NPAS1: variants seen among roughly 807,000 people sequenced by gnomAD.
NPAS1 encodes the protein neuronal PAS domain-containing protein 1.
NPAS1 carries 29 observed loss-of-function variants against 49.2 expected under a neutral mutation model. The observed-to-expected ratio is 0.59, with a 90% CI of 0.44 to 0.80. The LOEUF (loss-of-function observed/expected upper bound fraction) is 0.80, where lower values mean the gene tolerates loss of function less well. Among genes scored for constraint, NPAS1 ranks in the 30% least tolerant of loss-of-function variants. NPAS1 has a pLI of 0.00. For synonymous variants in NPAS1, 408 were observed against 380.4 expected (o/e 1.07, Z -0.84); for missense variants, 825 against 835.5 (o/e 0.99, Z 0.15).
intron 3 of NPAS1, among the ~76,000 whole-genome samples, chr19:47,028,299 GC>G (rs1174973643): frequency 6.6e-6 from 1 of 151,970 alleles, no homozygotes; most frequent in Non-Finnish European, 1.5e-5. Context: ...CAACCCCCCA[GC>G]CCCCCAGTAA....
At chr19:47,042,738 T>C in intron 10 of NPAS1, 72 bp from the exon 11 acceptor site, 1 of 1,293,078 alleles carries the variant, frequency 7.7e-7, no homozygotes, top group Non-Finnish European at 1.1e-6. Context: ...TTGCCACAAG[T>C]TGGGTAAAGC....
chr19:47,021,031 G>A lies in NPAS1; in HGVS notation c.-17G>A, dbSNP rs1280384492. 1.3e-6 allele frequency: 2 copies of A among 1,593,420 alleles called. No individual in the cohort carries two copies. The highest frequency in any genetic ancestry group is 8.5e-7 in the Non-Finnish European group (1 of 1,172,440). On this transcript the variant is annotated 5_prime_UTR_variant, in exon 2 of 12. The change abolishes the stop of an existing upstream ORF in the 5' untranslated region. Coordinates refer to ENST00000602212, the MANE Select transcript of NPAS1 (RefSeq NM_002517.4). The surrounding 1 kb of genome is among the most constrained non-coding windows in gnomAD (Gnocchi z 5.7). ...GAGACTCGGGGCTCGGAGCCCGCCTGAGCGAGCCCCCCGGAGATGGCGGCC... is the reference window on the plus strand; with the variant it reads ...GAGACTCGGGGCTCGGAGCCCGCCTAAGCGAGCCCCCCGGAGATGGCGGCC...
At chr19:47,039,734 G>C (rs566413584) in intron 8 of NPAS1, among the ~76,000 whole-genome samples, 170 bp downstream of exon 8, 4 of 152,252 alleles carry the variant, frequency 2.6e-5, no homozygotes, top group Non-Finnish European at 5.9e-5. Context: ...GGGAAGGCAG[G>C]GGACCAGGGC....
chr19:47,039,468 C>T lies in NPAS1; in HGVS notation c.866C>T (p.Thr289Met), dbSNP rs149310092. 3.4e-4 allele frequency: 542 copies of T among 1,610,616 alleles called. 2 individuals carry two copies. The highest frequency in any genetic ancestry group is 2.1e-4 in the Non-Finnish European group (242 of 1,179,100). Residue 289 changes from threonine to methionine, a missense_variant, in exon 8 of 12, where the codon ACG (threonine) becomes ATG (methionine). Coordinates refer to ENST00000602212, the MANE Select transcript of NPAS1 (RefSeq NM_002517.4). ...CTGGGCCTTGTGGCCCTCGGGCACACGTTGCCCCCGGCCCCCCTGGCTGAG... is the reference window on the plus strand; with the variant it reads ...CTGGGCCTTGTGGCCCTCGGGCACATGTTGCCCCCGGCCCCCCTGGCTGAG... ...HALGLVALGH[T>M]LPPAPLAELP... is the part of the protein sequence containing the mutation.
Position 47,020,015 on chromosome 19 carries a change from G to A in NPAS1, c.-43+18G>A. 5.1e-6 allele frequency: 2 copies of A among 392,690 alleles called. No homozygotes were observed. The highest frequency in any genetic ancestry group is 9.0e-6 in the Non-Finnish European group (2 of 222,402). The allele number at this position is 392,690 out of a possible 1,614,324, so 24.3% of individuals were successfully genotyped here. A position where few individuals can be genotyped will look rare whatever the true frequency, so the allele number is the denominator to read the frequency against. On this transcript the variant is annotated intron_variant, in intron 1 of 11. Coordinates refer to ENST00000602212, the MANE Select transcript of NPAS1 (RefSeq NM_002517.4). ...TCCTGCGGGTAGGGGAAGCTTGCGG[G>A]CTGGCAGGAGGGGGACTTCTGGGTC...
chr19:47,036,086 T>A lies in NPAS1; in HGVS notation c.645T>A (p.Ser215=). Residue 215 remains serine, a synonymous_variant, in exon 6 of 12, where the codon TCT becomes TCA. Transcript: ENST00000602212. ...CCCCAACCCCGCCCTCCGTCTCCTC[T>A]TCCTCCTCCTCTTCCTCTTCGCTTG... ...PGPPTPPSVS[S]SSSSSSSLAD... 1 of 1,585,942 alleles carries A rather than the reference T, an allele frequency of 6.3e-7. No homozygotes were observed. The highest frequency in any genetic ancestry group is 1.3e-5 in the African/African-American group (1 of 74,340).
At chr19:47,042,009 GAA>G (rs71179294) in intron 10 of NPAS1, among the ~76,000 whole-genome samples, 17,548 of 106,044 alleles carry the variant, frequency 0.17, 2,375 homozygotes, top group South Asian at 0.33. Context: ...AAAAAAAAAG[GAA>G]AAAACACCCT....
intron 3 of NPAS1, among the ~76,000 whole-genome samples, chr19:47,030,600 G>A (rs1479800808): frequency 1.4e-5 from 2 of 147,166 alleles, no homozygotes; most frequent in Non-Finnish European, 3.0e-5. Context: ...AAAGTGCTGA[G>A]ATCACAGGTA....
intron 6 of NPAS1, among the ~76,000 whole-genome samples, chr19:47,037,613 G>A (rs905316827): frequency 9.9e-5 from 15 of 151,974 alleles, no homozygotes; most frequent in Admixed American, 1.3e-4. Context: ...TTACCCTGCC[G>A]GCTCTTTTTA....
chr19:47,045,729 C>T lies in NPAS1; in HGVS notation c.*78C>T. The T allele has an allele frequency of 1.6e-6, 2 of 1,244,874 alleles. No individual in the cohort carries two copies. The highest frequency in any genetic ancestry group is 2.1e-6 in the Non-Finnish European group (2 of 945,038). 77.1% of individuals were successfully genotyped at this position (1,244,874 alleles called of 1,614,324 possible). A position where few individuals can be genotyped will look rare whatever the true frequency, so the allele number is the denominator to read the frequency against. On this transcript the variant is annotated 3_prime_UTR_variant, in exon 12 of 12. Coordinates refer to ENST00000602212, the MANE Select transcript of NPAS1 (RefSeq NM_002517.4). Reference sequence around the variant, plus strand: ...ACAGTAGGCCCGGCTCTGCCCGTAGCCCTGAGAATTAAACGCCGGCTCTCC... The same window carrying T: ...ACAGTAGGCCCGGCTCTGCCCGTAGTCCTGAGAATTAAACGCCGGCTCTCC...
At chr19:47,038,978 G>A (rs574140757) in intron 6 of NPAS1, 58 bp from the exon 7 acceptor site, 11 of 1,466,264 alleles carry the variant, frequency 7.5e-6, no homozygotes, top group Middle Eastern at 1.7e-4. Flanking sequence ...CAAGGGTCAG[G>A]GTGGCCTGTG....
chr19:47,033,010 G>A (rs1387493763), intron 5 of NPAS1, among the ~76,000 whole-genome samples: 2 of 152,122 alleles, frequency 1.3e-5, no homozygotes, highest in Admixed American at 1.3e-4. Flanking sequence ...TGCGATCTTC[G>A]CTCAGTGCAA....
Position 47,032,740 on chromosome 19 carries a change from A to AC in NPAS1, c.522+13dup. The stretch of plus-strand genomic sequence containing the variant: ...TATCTGGGTCTCTCACAGGTAAGGG[A>AC]CCCCCAGTGGACCTGGATTGGCTCA... On this transcript the variant is annotated intron_variant, in intron 5 of 11. Transcript: ENST00000602212. 3.1e-6 allele frequency: 5 copies of AC among 1,605,974 alleles called. No individual in the cohort carries two copies. The highest frequency in any genetic ancestry group is 4.3e-6 in the Non-Finnish European group (5 of 1,173,156).
chr19:47,039,853 T>G (rs935758878), intron 8 of NPAS1, among the ~76,000 whole-genome samples: 1 of 152,072 alleles, frequency 6.6e-6, no homozygotes, highest in Non-Finnish European at 1.5e-5. Flanking sequence ...CTTTCATTTC[T>G]CATTTCTCTG....
intron 5 of NPAS1, among the ~76,000 whole-genome samples, chr19:47,034,133 C>T (rs1483954523): frequency 6.0e-5 from 9 of 151,240 alleles, no homozygotes; most frequent in Admixed American, 1.3e-4. Flanking sequence ...GGAGAAACCC[C>T]GTCTCTCTAC....
At position 47,032,366 on chromosome 19, in the gene NPAS1, T is replaced by A. The variant is rs900198995; in HGVS notation, c.432+15T>A. The A allele has an allele frequency of 6.2e-7, 1 of 1,613,332 alleles. No homozygotes were observed. The highest frequency in any genetic ancestry group is 8.5e-7 in the Non-Finnish European group (1 of 1,179,506). ...ACATCTTGCAGGTGAGTGAGGCCCCTTCCCTGCCTGCCGCTCCTTGCTACC... is the reference window on the plus strand; with the variant it reads ...ACATCTTGCAGGTGAGTGAGGCCCCATCCCTGCCTGCCGCTCCTTGCTACC... On this transcript the variant is annotated intron_variant, in intron 4 of 11. Transcript: ENST00000602212.
intron 10 of NPAS1, among the ~76,000 whole-genome samples, chr19:47,042,419 T>C (rs2057031440): frequency 6.6e-6 from 1 of 152,132 alleles, no homozygotes; most frequent in Admixed American, 6.5e-5. Context: ...TCCTGGGAAG[T>C]GCCAGACTCT....
intron 3 of NPAS1, among the ~76,000 whole-genome samples, chr19:47,027,653 C>T (rs2056882827): frequency 1.1e-5 from 1 of 93,278 alleles, no homozygotes; most frequent in Admixed American, 1.1e-4. Flanking sequence ...TCTGTCTGCC[C>T]CTGGTCTCCC....
At chr19:47,042,378 G>T (rs1006925578) in intron 10 of NPAS1, among the ~76,000 whole-genome samples, 7 of 152,288 alleles carry the variant, frequency 4.6e-5, no homozygotes, top group Admixed American at 2.0e-4. Context: ...CAAGATGGGC[G>T]CTGGAGGACC....
Sources: allele counts gnomAD v4.1 joint callset (sites outside exome capture counted in the v4.1 genomes callset), GRCh38; gene constraint gnomAD v4.1.1; non-coding constraint Gnocchi (gnomAD v3.1); transcripts MANE v1.5; gene names NCBI Gene and HGNC (gene_info 2026-07-23, HGNC 2026-07-21).